TAF2: variants seen among roughly 807,000 people sequenced by gnomAD.
The protein encoded by TAF2 is TATA-box binding protein associated factor 2.
Under a neutral mutation model 138.5 loss-of-function variants are expected in TAF2, and 61 were observed. The ratio of observed to expected loss-of-function variants is 0.44; its 90% CI spans 0.36 to 0.54. TAF2 has a LOEUF of 0.54. Ranked by LOEUF, TAF2 falls within the 20% of genes least tolerant of loss-of-function variation. TAF2 has a pLI of 0.00. For synonymous variants in TAF2, 475 were observed against 469.9 expected, an observed-to-expected ratio of 1.01 and a Z score of -0.14; for missense variants, 1,090 against 1,427.9, an observed-to-expected ratio of 0.76 and a Z score of 3.81.
At chr8:119,776,202 A>G (rs917057574) in intron 18 of TAF2, among the ~76,000 whole-genome samples, 10 of 152,186 alleles carry the variant, frequency 6.6e-5, no homozygotes, top group African/African-American at 2.4e-4. Context: ...AAACAACGTC[A>G]AGAAAAAATG....
At chr8:119,766,948 A>C (rs186258017) in intron 18 of TAF2, 2 of 152,230 alleles carry the variant, frequency 1.3e-5, no homozygotes, top group African/African-American at 4.8e-5. Context: ...AAAATCATTT[A>C]AAAAAGTGTT....
In TAF2 at chr8:119,794,954, A is replaced by G. The variant is rs987115180; in HGVS notation, c.1191+578T>C. Among the ~76,000 whole-genome samples, 5 of 152,242 alleles carry G rather than the reference A, an allele frequency of 3.3e-5. No individual in the cohort carries two copies. The South Asian group carries it at 1.0e-3, about 32-fold the overall frequency. ...CCTGAGAAGGAAGACACTAAGCATG[A>G]TATGATTAAAATGTTTATGTATATG... is the stretch of plus-strand genomic sequence containing the variant. On this transcript the variant is annotated intron_variant, in intron 9 of 25. Coordinates refer to ENST00000378164, the MANE Select transcript of TAF2 (RefSeq NM_003184.4).
chr8:119,780,213 C>T (rs1415003201), intron 17 of TAF2, among the ~76,000 whole-genome samples: 3 of 152,178 alleles, frequency 2.0e-5, no homozygotes. Flanking sequence ...TGCTGACCAT[C>T]CTGTCATTCC....
At chr8:119,742,994 G>A (rs993867987) in intron 24 of TAF2, among the ~76,000 whole-genome samples, 7 of 151,854 alleles carry the variant, frequency 4.6e-5, no homozygotes, top group Non-Finnish European at 7.4e-5. Flanking sequence ...ACTTGAACCC[G>A]GGAGGCAAAG....
chr8:119,806,465 CTTTCTT>C (rs1441166670), intron 3 of TAF2, 64 bp from the exon 4 acceptor site: 28 of 993,660 alleles, frequency 2.8e-5, no homozygotes, highest in Middle Eastern at 2.7e-4. Flanking sequence ...ATTTTTCTTT[CTTTCTT>C]TTTTTTTTTT....
At chr8:119,795,712 GTA>G in intron 8 of TAF2, 81 bp from the exon 9 acceptor site, 1 of 1,245,132 alleles carries the variant, frequency 8.0e-7, no homozygotes, top group Non-Finnish European at 1.2e-6. Context: ...CGGAATAAGT[GTA>G]GTGTGTATTT....
At chr8:119,794,220 A>G (rs1823654706) in intron 9 of TAF2, among the ~76,000 whole-genome samples, 1 of 152,120 alleles carries the variant, frequency 6.6e-6, no homozygotes, top group Non-Finnish European at 1.5e-5. Context: ...ACATGGTGAA[A>G]TCCCGTCTCT....
intron 25 of TAF2, among the ~76,000 whole-genome samples, chr8:119,738,169 A>C (rs1287691189): frequency 1.3e-5 from 2 of 151,754 alleles, no homozygotes; most frequent in Non-Finnish European, 2.9e-5. Flanking sequence ...TTCTCTCTCT[A>C]TATATGTACG....
chr8:119,797,584 A>G, intron 7 of TAF2, 78 bp downstream of exon 7: 1 of 1,457,528 alleles, frequency 6.9e-7, no homozygotes. Flanking sequence ...GCTCGTCTTA[A>G]AATTGACCGC....
intron 10 of TAF2, among the ~76,000 whole-genome samples, chr8:119,792,166 T>C (rs1823482123): frequency 6.7e-6 from 1 of 150,344 alleles, no homozygotes; most frequent in Non-Finnish European, 1.5e-5. Flanking sequence ...TTTTTTTTTT[T>C]CTTTTGAGAT....
chr8:119,791,738 C>A, intron 10 of TAF2: 1 of 349,796 alleles, frequency 2.9e-6, no homozygotes, highest in Non-Finnish European at 5.4e-6. Flanking sequence ...CCAAATCCAT[C>A]AATACAATCA....
chr8:119,804,035 A>G lies in TAF2; in HGVS notation c.419-16T>C. 6.2e-7 allele frequency: 1 copy of G among 1,613,614 alleles called. No homozygotes were observed. Reference sequence around the variant, plus strand: ...ACCTTTAACTCTGCAACAAATAAACATATACACACATTGATACATAAGTTA... The same window carrying G: ...ACCTTTAACTCTGCAACAAATAAACGTATACACACATTGATACATAAGTTA... On this transcript the variant is annotated splice_polypyrimidine_tract_variant and intron_variant, in intron 4 of 25. Coordinates refer to ENST00000378164, the MANE Select transcript of TAF2 (RefSeq NM_003184.4).
intron 21 of TAF2, among the ~76,000 whole-genome samples, chr8:119,757,732 C>T (rs1820792993): frequency 6.6e-6 from 1 of 151,876 alleles, no homozygotes; most frequent in Non-Finnish European, 1.5e-5. Context: ...TCCGTCTCTA[C>T]TAAAAATGCA....
intron 13 of TAF2, 98 bp downstream of exon 13, chr8:119,788,692 A>C: frequency 1.1e-6 from 1 of 926,584 alleles, no homozygotes; most frequent in South Asian, 1.3e-5. Flanking sequence ...CTTCAAACAA[A>C]ATCTCATTAA....
In TAF2 at chr8:119,760,743, G is replaced by A; in HGVS notation, c.2559-5C>T. On this transcript the variant is annotated splice_polypyrimidine_tract_variant and splice_region_variant and intron_variant, in intron 19 of 25. Coordinates refer to ENST00000378164, the MANE Select transcript of TAF2 (RefSeq NM_003184.4). Reference sequence around the variant, plus strand: ...ACCCGTATGGCTCTCAAACAACTAGGGAAAAAAATACGTATGTTAACTACT... The same window carrying A: ...ACCCGTATGGCTCTCAAACAACTAGAGAAAAAAATACGTATGTTAACTACT... The A allele has an allele frequency of 6.2e-7, 1 of 1,613,538 alleles. No individual in the cohort carries two copies.
chr8:119,830,551 C>T (rs910283004), intron 2 of TAF2, among the ~76,000 whole-genome samples: 14 of 152,074 alleles, frequency 9.2e-5, no homozygotes, highest in Non-Finnish European at 1.6e-4. Context: ...AGGTACATAA[C>T]CTAGGGAAGA....
At chr8:119,817,924 G>GTC in intron 3 of TAF2, among the ~76,000 whole-genome samples, 1 of 152,264 alleles carries the variant, frequency 6.6e-6, no homozygotes, top group Non-Finnish European at 1.5e-5. Context: ...TTTGTAATAA[G>GTC]TCTTTTTATG....
At chr8:119,774,375 G>C (rs1822069693) in intron 18 of TAF2, among the ~76,000 whole-genome samples, 1 of 151,448 alleles carries the variant, frequency 6.6e-6, no homozygotes, top group African/African-American at 2.4e-5. Context: ...TGACATATAG[G>C]CTATTTACAC....
Position 119,780,711 on chromosome 8 carries a change from G to A in TAF2, c.2253+342C>T, listed in dbSNP as rs567910091. Among the ~76,000 whole-genome samples, 41 of 152,158 alleles carry A rather than the reference G, an allele frequency of 2.7e-4. 1 individual carries two copies. In the South Asian group the frequency reaches 4.8e-3, roughly 18 times the overall value. Reference sequence around the variant, plus strand: ...AGCACTTTGGGAGGCCGAGGTGGGCGGATCACAGGGTCAGGAGATGAAAAC... The same window carrying A: ...AGCACTTTGGGAGGCCGAGGTGGGCAGATCACAGGGTCAGGAGATGAAAAC... On this transcript the variant is annotated intron_variant, in intron 17 of 25. Transcript: ENST00000378164.
Sources: allele counts gnomAD v4.1 joint callset (sites outside exome capture counted in the v4.1 genomes callset), GRCh38; gene constraint gnomAD v4.1.1; transcripts MANE v1.5; gene names NCBI Gene and HGNC (gene_info 2026-07-23, HGNC 2026-07-21).